Variants in SGCZ observed in about 807,000 individuals in gnomAD.
SGCZ encodes zeta-sarcoglycan.
SGCZ carries 40 observed loss-of-function variants against 41.3 expected under a neutral mutation model. That is an observed-to-expected ratio of 0.97 (90% CI 0.75 to 1.26). The LOEUF is 1.26. SGCZ is among the 50% of genes most tolerant of loss of function. SGCZ has a pLI of 0.00. For missense variants in SGCZ, 552 were observed against 369.8 expected (o/e 1.49, Z -4.04); for synonymous variants, 206 against 137.5 (o/e 1.50, Z -3.49).
At chr8:14,257,986 A>C (rs1052584959) in intron 3 of SGCZ, among the ~76,000 whole-genome samples, 2 of 152,218 alleles carry the variant, frequency 1.3e-5, no homozygotes, top group African/African-American at 4.8e-5. Context: ...GTCTCGAAGC[A>C]AATGAAATGT....
At chr8:14,930,428 A>T (rs1192262599) in intron 1 of SGCZ, among the ~76,000 whole-genome samples, 1 of 152,042 alleles carries the variant, frequency 6.6e-6, no homozygotes, top group Non-Finnish European at 1.5e-5. Context: ...GACAGTGTGG[A>T]GATTCCTCAA....
intron 1 of SGCZ, among the ~76,000 whole-genome samples, chr8:14,968,827 T>C (rs759401179): frequency 5.3e-5 from 8 of 152,148 alleles, no homozygotes; most frequent in Non-Finnish European, 1.0e-4. Flanking sequence ...CGGTAACAAC[T>C]GGAGGCCAAG....
intron 2 of SGCZ, among the ~76,000 whole-genome samples, chr8:14,495,425 G>C (rs1001704207): frequency 6.6e-6 from 1 of 152,060 alleles, no homozygotes; most frequent in Non-Finnish European, 1.5e-5. Context: ...CAAACACTAA[G>C]CCCCACTGAA....
intron 1 of SGCZ, among the ~76,000 whole-genome samples, chr8:15,185,186 T>C (rs144267345): frequency 4.9e-4 from 74 of 152,216 alleles, no homozygotes; most frequent in African/African-American, 1.5e-3. Context: ...AGATCAAAGT[T>C]AGGAGGAAAA....
rs1160071660 is a variant in SGCZ at position 14,590,990 on chromosome 8, A to G, written c.40-36064T>C. Among the ~76,000 whole-genome samples, 7 of 151,212 alleles carry G rather than the reference A, an allele frequency of 4.6e-5. No homozygotes were observed. The East Asian group carries it at 1.4e-3, about 29-fold the overall frequency. ...AAACACATATTTTTCTTTATGTAAC[A>G]CTTTTCACAAATATTATGCCATCAT... On this transcript the variant is annotated intron_variant, in intron 1 of 7. Transcript: ENST00000382080.
chr8:14,775,475 G>C (rs1056314655), intron 1 of SGCZ, among the ~76,000 whole-genome samples: 3 of 151,916 alleles, frequency 2.0e-5, no homozygotes, highest in East Asian at 3.9e-4. Context: ...GTGTGTGTGT[G>C]TGTGTGTGTG....
intron 1 of SGCZ, among the ~76,000 whole-genome samples, chr8:14,959,251 A>G (rs925419564): frequency 3.9e-5 from 6 of 152,170 alleles, no homozygotes; most frequent in Non-Finnish European, 7.4e-5. Context: ...AATTATATCT[A>G]TAGTGATACA....
intron 2 of SGCZ, among the ~76,000 whole-genome samples, chr8:14,535,256 T>A (rs1803257888): frequency 6.6e-6 from 1 of 151,962 alleles, no homozygotes; most frequent in Non-Finnish European, 1.5e-5. Context: ...TTTTCTTATT[T>A]TTAATTGTAA....
intron 1 of SGCZ, among the ~76,000 whole-genome samples, chr8:14,837,771 T>A (rs1201656765): frequency 6.6e-6 from 1 of 152,178 alleles, no homozygotes; most frequent in African/African-American, 2.4e-5. Context: ...GATTTACGTT[T>A]TTTAACTTTT....
At chr8:15,206,585 A>G (rs1250648958) in intron 1 of SGCZ, among the ~76,000 whole-genome samples, 1 of 151,464 alleles carries the variant, frequency 6.6e-6, no homozygotes, top group Non-Finnish European at 1.5e-5. Context: ...AGTAGCTGGG[A>G]TTACAGGTGC....
intron 4 of SGCZ, among the ~76,000 whole-genome samples, chr8:14,179,845 C>A (rs553733398): frequency 3.9e-5 from 6 of 152,160 alleles, no homozygotes; most frequent in Middle Eastern, 3.4e-3. Context: ...TTGGTATAAA[C>A]CCTCTACCCA....
At chr8:15,183,278 G>A (rs562168914) in intron 1 of SGCZ, among the ~76,000 whole-genome samples, 1 of 152,178 alleles carries the variant, frequency 6.6e-6, no homozygotes, top group Admixed American at 6.5e-5. Flanking sequence ...AATTTTCTAT[G>A]CTAGGCTGTC....
At chr8:14,297,141 T>G (rs1300947205) in intron 3 of SGCZ, among the ~76,000 whole-genome samples, 1 of 152,084 alleles carries the variant, frequency 6.6e-6, no homozygotes, top group African/African-American at 2.4e-5. Flanking sequence ...TAGGCTGGTC[T>G]CAAACTCCTG....
At chr8:14,348,296 T>C (rs1478242119) in intron 2 of SGCZ, among the ~76,000 whole-genome samples, 1 of 152,112 alleles carries the variant, frequency 6.6e-6, no homozygotes, top group African/African-American at 2.4e-5. Flanking sequence ...TCTTTGCAGC[T>C]TGAATCCAGA....
intron 1 of SGCZ, among the ~76,000 whole-genome samples, chr8:14,948,905 C>T (rs1263034221): frequency 6.6e-6 from 1 of 151,906 alleles, no homozygotes; most frequent in African/African-American, 2.4e-5. Context: ...CTCAAAATTC[C>T]CCTTGAAAGC....
chr8:14,108,021 C>T, intron 6 of SGCZ, 142 bp downstream of exon 6: 1 of 690,162 alleles, frequency 1.4e-6, no homozygotes, highest in Non-Finnish European at 2.4e-6. Flanking sequence ...CCACATTCTT[C>T]CTATCTAATA....
Position 15,087,714 on chromosome 8 carries a change from G to T in SGCZ, c.39+149871C>A, listed in dbSNP as rs11992173. 2.3e-3 allele frequency among the ~76,000 whole-genome samples: 357 copies of T among 152,070 alleles called. 3 individuals are homozygous for T. Among genetic ancestry groups the T allele is most frequent in the African/African-American group, 7.9e-3 (330 of 41,512 alleles). ...CATTATGTAAGTCTCCTTTTTATGT[G>T]GGTTCAGCTAACCTAGTATTAACAT... is the stretch of plus-strand genomic sequence containing the variant. On this transcript the variant is annotated intron_variant, in intron 1 of 7. Transcript: ENST00000382080.
intron 1 of SGCZ, among the ~76,000 whole-genome samples, chr8:15,042,850 G>C (rs1211393858): frequency 6.6e-6 from 1 of 152,156 alleles, no homozygotes; most frequent in Non-Finnish European, 1.5e-5. Context: ...CCCACTTGCA[G>C]AAAAAGATGG....
At chr8:14,261,959 A>C (rs1799683035) in intron 3 of SGCZ, among the ~76,000 whole-genome samples, 2 of 152,154 alleles carry the variant, frequency 1.3e-5, no homozygotes, top group African/African-American at 4.8e-5. Flanking sequence ...TACTCACACG[A>C]GTTGAAAGAT....
Sources: gnomAD v4.1 joint callset for allele counts (sites outside exome capture counted in the v4.1 genomes callset) on GRCh38, gnomAD v4.1.1 for gene constraint, MANE v1.5 for transcripts, NCBI Gene and HGNC (gene_info 2026-07-23, HGNC 2026-07-21) for gene names.